The following ADCY2 variants were observed in gnomAD, a reference collection of about 807,000 sequenced individuals.
ADCY2 encodes the protein adenylate cyclase 2.
In ADCY2, 31 loss-of-function variants were observed where a neutral mutation model predicts 125.2. The observed-to-expected ratio is 0.25, with a 90% confidence interval of 0.19 to 0.33. The LOEUF (loss-of-function observed/expected upper bound fraction) is 0.33, where lower values mean the gene tolerates loss of function less well. ADCY2 is among the 10% of genes least tolerant of loss of function. The pLI is 1.00. For missense variants in ADCY2, 904 were observed against 1,418.2 expected (o/e 0.64, Z 5.82); for synonymous variants, 512 against 548.4 (o/e 0.93, Z 0.93).
At chr5:7,606,001 AT>A (rs1447077865) in intron 3 of ADCY2, among the ~76,000 whole-genome samples, 1 of 137,564 alleles carries the variant, frequency 7.3e-6, no homozygotes, top group African/African-American at 2.8e-5. Context: ...TACCTAATTT[AT>A]TGAGAGTTTT....
chr5:7,573,588 A>ATTTTATTTTTTTTTT (rs1561102712), intron 3 of ADCY2, among the ~76,000 whole-genome samples: 1 of 94,622 alleles, frequency 1.1e-5, no homozygotes, highest in Non-Finnish European at 2.2e-5. Context: ...TACAGGGTTG[A>ATTTTATTTTTTTTTT]TTTTCTTTTT....
chr5:7,434,587 G>A (rs1372583069), intron 2 of ADCY2, among the ~76,000 whole-genome samples: 2 of 152,320 alleles, frequency 1.3e-5, no homozygotes, highest in African/African-American at 2.4e-5. Context: ...AACTCCACAT[G>A]CTCTTAGGAT....
intron 2 of ADCY2, among the ~76,000 whole-genome samples, chr5:7,495,513 C>T (rs1384983819): frequency 1.3e-5 from 2 of 152,204 alleles, no homozygotes; most frequent in Non-Finnish European, 2.9e-5. Context: ...GAAAATGAAT[C>T]TAAATCTATT....
chr5:7,780,220 G>A (rs1353955082), intron 18 of ADCY2, among the ~76,000 whole-genome samples: 1 of 152,202 alleles, frequency 6.6e-6, no homozygotes, highest in Non-Finnish European at 1.5e-5. Context: ...TAGTTTTCTG[G>A]GGTGTTTTAT....
chr5:7,745,484 T>C (rs1036620613), intron 15 of ADCY2, among the ~76,000 whole-genome samples: 46 of 152,210 alleles, frequency 3.0e-4, no homozygotes, highest in African/African-American at 1.1e-3. Context: ...GTGGGTTGTA[T>C]AGAGGAGGGA....
chr5:7,495,043 C>A (rs1743298417), intron 2 of ADCY2, among the ~76,000 whole-genome samples: 2 of 152,202 alleles, frequency 1.3e-5, no homozygotes, highest in Admixed American at 1.3e-4. Flanking sequence ...TTTGCTTTTA[C>A]CATTTCTTGC....
At chr5:7,783,260 T>C (rs1286525029) in intron 18 of ADCY2, among the ~76,000 whole-genome samples, 1 of 152,184 alleles carries the variant, frequency 6.6e-6, no homozygotes, top group African/African-American at 2.4e-5. Context: ...ATGTTAAAAA[T>C]CACAAGTATC....
intron 11 of ADCY2, 69 bp downstream of exon 11, chr5:7,712,968 T>C (rs1741486445): frequency 3.3e-6 from 4 of 1,200,794 alleles, no homozygotes; most frequent in Non-Finnish European, 4.9e-6. Context: ...GTAATTATCA[T>C]CAATTATGGT....
At chr5:7,592,514 C>T (rs1306254515) in intron 3 of ADCY2, among the ~76,000 whole-genome samples, 1 of 151,478 alleles carries the variant, frequency 6.6e-6, no homozygotes, top group African/African-American at 2.4e-5. Flanking sequence ...AGTGCCCATT[C>T]TTTCCTACCT....
At chr5:7,814,048 T>C (rs552053704) in intron 22 of ADCY2, among the ~76,000 whole-genome samples, 184 of 152,208 alleles carry the variant, frequency 1.2e-3, no homozygotes, top group Admixed American at 6.0e-3. Context: ...TAGTGAGCTA[T>C]GATAGAAAAG....
At chr5:7,742,185 A>G (rs922412478) in intron 14 of ADCY2, among the ~76,000 whole-genome samples, 1 of 151,672 alleles carries the variant, frequency 6.6e-6, no homozygotes, top group Non-Finnish European at 1.5e-5. Context: ...GAAGATAGCA[A>G]ATCAAAGCTC....
chr5:7,671,265 GA>G (rs990573774), intron 4 of ADCY2, among the ~76,000 whole-genome samples: 1 of 152,022 alleles, frequency 6.6e-6, no homozygotes, highest in Admixed American at 6.5e-5. Flanking sequence ...GTCATAATGG[GA>G]AAAAAAGTTA....
At chr5:7,606,354 C>T (rs912288436) in intron 3 of ADCY2, among the ~76,000 whole-genome samples, 1 of 152,116 alleles carries the variant, frequency 6.6e-6, no homozygotes, top group Non-Finnish European at 1.5e-5. Flanking sequence ...GACTGAGTGA[C>T]AGTGTTCCTG....
chr5:7,704,371 C>T (rs947237271), intron 7 of ADCY2, among the ~76,000 whole-genome samples: 2 of 152,180 alleles, frequency 1.3e-5, no homozygotes, highest in African/African-American at 4.8e-5. Flanking sequence ...ACTTCAGCTG[C>T]AGTTTTGGAA....
chr5:7,559,665 T>C lies in ADCY2; in HGVS notation c.570+38766T>C, dbSNP rs116937617. ...CCCTCTTCCTATTTGGATGCCTTTA[T>C]TTCTTTCTGTTGCCTGTTAGCCCTG... On this transcript the variant is annotated intron_variant, in intron 3 of 24. Coordinates refer to ENST00000338316, the MANE Select transcript of ADCY2 (RefSeq NM_020546.3). Among the ~76,000 whole-genome samples, 26 of 152,340 alleles carry C rather than the reference T, an allele frequency of 1.7e-4. No homozygotes were observed. The East Asian group carries it at 2.5e-3, about 15-fold the overall frequency.
At chr5:7,688,119 C>T (rs1382819345) in intron 4 of ADCY2, among the ~76,000 whole-genome samples, 1 of 152,172 alleles carries the variant, frequency 6.6e-6, no homozygotes, top group Non-Finnish European at 1.5e-5. Flanking sequence ...CTTATCACTG[C>T]TTTAGAAGTT....
chr5:7,682,612 G>T (rs1158688695), intron 4 of ADCY2, among the ~76,000 whole-genome samples: 2 of 152,184 alleles, frequency 1.3e-5, no homozygotes, highest in Admixed American at 1.3e-4. Flanking sequence ...AAGGATGAAG[G>T]GAAGTGAGCC....
chr5:7,482,208 G>C (rs1265572513), intron 2 of ADCY2, among the ~76,000 whole-genome samples: 1 of 152,080 alleles, frequency 6.6e-6, no homozygotes, highest in African/African-American at 2.4e-5. Context: ...TAAACCTGTT[G>C]TTCACTTGTA....
chr5:7,811,643 C>T (rs957165243), intron 22 of ADCY2, among the ~76,000 whole-genome samples: 6 of 151,882 alleles, frequency 4.0e-5, no homozygotes, highest in Non-Finnish European at 7.4e-5. Flanking sequence ...CAATGGCAGG[C>T]CTGGGTTTGT....
Sources: gnomAD v4.1 joint callset for allele counts (sites outside exome capture counted in the v4.1 genomes callset) on GRCh38, gnomAD v4.1.1 for gene constraint, MANE v1.5 for transcripts, NCBI Gene and HGNC (gene_info 2026-07-23, HGNC 2026-07-21) for gene names.